Variants in NUP153 observed in about 807,000 individuals in gnomAD.
The protein encoded by NUP153 is nucleoporin 153, also known as nuclear pore complex protein Nup153.
A neutral mutation model predicts 134.6 loss-of-function variants in NUP153; 27 were observed. That is an observed-to-expected ratio of 0.20 (90% CI 0.15 to 0.28). NUP153 has a LOEUF of 0.28. NUP153 is among the 10% of genes least tolerant of loss of function. The probability of loss-of-function intolerance (pLI) is 1.00; values close to 1 mark genes in which losing one functional copy is unlikely to be tolerated. For missense variants in NUP153, 1,821 were observed against 1,731.3 expected (o/e 1.05, Z -0.92); for synonymous variants, 640 against 623.5 (o/e 1.03, Z -0.40).
intron 5 of NUP153, among the ~76,000 whole-genome samples, chr6:17,670,317 T>C (rs1265719671): frequency 2.6e-5 from 4 of 152,098 alleles, no homozygotes; most frequent in Non-Finnish European, 4.4e-5. Context: ...TCTTCAAATA[T>C]AGGCATTTCA....
At chr6:17,668,154 C>A (rs1359752101) in intron 8 of NUP153, among the ~76,000 whole-genome samples, 13 of 149,360 alleles carry the variant, frequency 8.7e-5, no homozygotes, top group Admixed American at 8.0e-4. Flanking sequence ...CGGCTCACTG[C>A]ACCCTCCGCC....
At chr6:17,657,522 C>G (rs1329297966) in intron 11 of NUP153, among the ~76,000 whole-genome samples, 2 of 152,034 alleles carry the variant, frequency 1.3e-5, no homozygotes, top group Non-Finnish European at 2.9e-5. Flanking sequence ...CAAGATCGTG[C>G]ACTCCAGCCT....
chr6:17,686,009 G>A (rs902775862), intron 2 of NUP153, among the ~76,000 whole-genome samples: 2 of 152,054 alleles, frequency 1.3e-5, no homozygotes, highest in Admixed American at 1.3e-4. Context: ...TTTGCTGGGC[G>A]TGGTAGCACA....
At chr6:17,616,282 T>TGGGGTG in intron 21 of NUP153, 101 bp from the exon 22 acceptor site, 1 of 332,090 alleles carries the variant, frequency 3.0e-6, no homozygotes, top group South Asian at 3.7e-5. Context: ...GGGGGTCGGG[T>TGGGGTG]GGGGGGGGAG....
chr6:17,618,559 TC>T (rs1764457466), intron 20 of NUP153, among the ~76,000 whole-genome samples: 1 of 59,890 alleles, frequency 1.7e-5, no homozygotes, highest in Admixed American at 2.9e-4. Flanking sequence ...AGTTAAAATC[TC>T]TCTTTTTTTT....
intron 20 of NUP153, 148 bp from the exon 21 acceptor site, chr6:17,616,843 G>C: frequency 1.5e-6 from 1 of 676,208 alleles, no homozygotes; most frequent in Non-Finnish European, 2.5e-6. Context: ...CTTGCCTCCT[G>C]GGTTCAAGTG....
At position 17,629,558 on chromosome 6, in the gene NUP153, C is replaced by T. The variant is rs529990088; in HGVS notation, c.2660-19G>A. 698 of 1,562,050 alleles carry T rather than the reference C, an allele frequency of 4.5e-4. 11 individuals are homozygous for T. In the South Asian group the frequency reaches 8.2e-3, roughly 18 times the overall value. ...TCAAAGCCTACAAAAATATAAAAGA[C>T]ACCACATAGACACTCAATGTACTGA... On this transcript the variant is annotated intron_variant, in intron 17 of 21. Coordinates refer to ENST00000262077, the MANE Select transcript of NUP153 (RefSeq NM_005124.4).
rs776821972 is a variant in NUP153 at position 17,637,264 on chromosome 6, C to G, written c.2353G>C (p.Gly785Arg). The G allele has an allele frequency of 1.2e-6, 2 of 1,614,182 alleles. No homozygotes were observed. Among genetic ancestry groups the G allele is most frequent in the Admixed American group, 3.3e-5 (2 of 60,018 alleles). ...GGCCTTTTGAATTTATCTCCAAATC[C>G]TAAGGTACCAGTGGTTACAGTGCAG... is the stretch of plus-strand genomic sequence containing the variant. ...SSCTVTTGTL[G>R]FGDKFKRPIG... Residue 785 changes from glycine to arginine, a missense_variant, in exon 16 of 22, where the codon GGA becomes CGA. By Grantham distance (125) the Gly-to-Arg change is moderately radical (BLOSUM62 -2). Coordinates refer to ENST00000262077, the MANE Select transcript of NUP153 (RefSeq NM_005124.4).
At chr6:17,665,423 T>C in intron 8 of NUP153, 38 bp from the exon 9 acceptor site, 1 of 1,528,116 alleles carries the variant, frequency 6.5e-7, no homozygotes, top group Non-Finnish European at 8.9e-7. Flanking sequence ...TTTATTTTCA[T>C]ATAAATCAAT....
chr6:17,688,627 A>AG lies in NUP153; in HGVS notation c.112-10dup. On this transcript the variant is annotated splice_polypyrimidine_tract_variant and intron_variant, in intron 1 of 21. Transcript: ENST00000262077. ...ACCCTGCTAAGAATGCCCTGTTGAG[A>AG]GAAAAAACATATTATGACAGTTTTA... The AG allele has an allele frequency of 6.3e-7, 1 of 1,588,516 alleles. No individual in the cohort carries two copies. Among genetic ancestry groups the AG allele is most frequent in the Non-Finnish European group, 8.6e-7 (1 of 1,159,678 alleles).
chr6:17,628,625 T>G lies in NUP153; in HGVS notation c.3544+30A>C. On this transcript the variant is annotated intron_variant, in intron 18 of 21. Transcript: ENST00000262077. This position sits in a 1 kb window ranked among gnomAD's most constrained non-coding sequence, Gnocchi z 5.4. ...CGACAACTTGTAAAAAAAAAAATAATAATAATAATAATAAAAAGTTAATAC... is the reference window on the plus strand; with the variant it reads ...CGACAACTTGTAAAAAAAAAAATAAGAATAATAATAATAAAAAGTTAATAC... The G allele has an allele frequency of 8.6e-7, 1 of 1,163,626 alleles. No individual in the cohort carries two copies. The highest frequency in any genetic ancestry group is 3.2e-5 in the East Asian group (1 of 31,408). 72.1% of individuals were successfully genotyped at this position (1,163,626 alleles called of 1,614,324 possible).
At chr6:17,656,105 T>G (rs1214752432) in intron 11 of NUP153, among the ~76,000 whole-genome samples, 1 of 150,648 alleles carries the variant, frequency 6.6e-6, no homozygotes, top group Non-Finnish European at 1.5e-5. Flanking sequence ...CTCAGGAGGC[T>G]GAGGCAGGAG....
Position 17,670,026 on chromosome 6 carries a change from G to A in NUP153, c.853-480C>T, listed in dbSNP as rs1767796025. ...AGGAGAACTGCTTTGAACCCAGGAGGCGGAGGTTGTGGTGAGCCGAGACTG... is the reference window on the plus strand; with the variant it reads ...AGGAGAACTGCTTTGAACCCAGGAGACGGAGGTTGTGGTGAGCCGAGACTG... On this transcript the variant is annotated intron_variant, in intron 5 of 21. Transcript: ENST00000262077. Among the ~76,000 whole-genome samples, 4 of 150,640 alleles carry A rather than the reference G, an allele frequency of 2.7e-5. No homozygotes were observed. In the South Asian group the frequency reaches 8.4e-4, roughly 32 times the overall value.
intron 12 of NUP153, 61 bp downstream of exon 12, chr6:17,649,098 GTTTT>G: frequency 7.3e-7 from 1 of 1,376,860 alleles, no homozygotes; most frequent in Non-Finnish European, 9.9e-7. Context: ...ATAATATAGG[GTTTT>G]TTTTAAATAA....
rs182089576 is a variant in NUP153 at position 17,615,756 on chromosome 6, G to A, written c.*341C>T. 9.8e-5 allele frequency: 19 copies of A among 194,366 alleles called. No individual in the cohort carries two copies. The highest frequency in any genetic ancestry group is 4.0e-4 in the African/African-American group (17 of 42,886). 12.0% of individuals were successfully genotyped at this position (194,366 alleles called of 1,614,324 possible). A position where few individuals can be genotyped will look rare whatever the true frequency, so the allele number is the denominator to read the frequency against. ...ACGCGTTCCATGAACGCTTATCAGC[G>A]CACATAATGGTGTAGACAAAGAGGT... On this transcript the variant is annotated 3_prime_UTR_variant, in exon 22 of 22. Transcript: ENST00000262077. This position sits in a 1 kb window ranked among gnomAD's most constrained non-coding sequence, Gnocchi z 5.7.
intron 2 of NUP153, among the ~76,000 whole-genome samples, chr6:17,677,781 G>C (rs1394981960): frequency 7.0e-6 from 1 of 142,154 alleles, no homozygotes; most frequent in African/African-American, 2.6e-5. Flanking sequence ...CCAGGCTAGA[G>C]TGCAGTGGCG....
chr6:17,637,275 G>C lies in NUP153; in HGVS notation c.2342C>G (p.Thr781Ser). 6.2e-7 allele frequency: 1 copy of C among 1,614,186 alleles called. No individual in the cohort carries two copies. Among genetic ancestry groups the C allele is most frequent in the Non-Finnish European group, 8.5e-7 (1 of 1,180,040 alleles). ...TASSSSCTVTTGTLGFGDKFK... is the reference protein window; with the variant it reads ...TASSSSCTVTSGTLGFGDKFK... Reference sequence around the variant, plus strand: ...TTTATCTCCAAATCCTAAGGTACCAGTGGTTACAGTGCAGCTGGAAGATGA... The same window carrying C: ...TTTATCTCCAAATCCTAAGGTACCACTGGTTACAGTGCAGCTGGAAGATGA... The change falls in exon 16 of 22, where the codon ACT (threonine) becomes AGT (serine). Residue 781 changes from threonine to serine, a missense_variant. Thr to Ser is a moderately conservative substitution (Grantham distance 58). Coordinates refer to ENST00000262077, the MANE Select transcript of NUP153 (RefSeq NM_005124.4).
In NUP153 at chr6:17,625,685, T is replaced by A. The variant is rs1297259936; in HGVS notation, c.3901+123A>T. ...GTGAATAATTAAAACAACCCTGGTA[T>A]AGATGACCAAAAGGCATTCCCACCA... On this transcript the variant is annotated intron_variant, in intron 19 of 21. Coordinates refer to ENST00000262077, the MANE Select transcript of NUP153 (RefSeq NM_005124.4). The surrounding 1 kb of genome is among the most constrained non-coding windows in gnomAD (Gnocchi z 4.7). 1 of 737,510 alleles carries A rather than the reference T, an allele frequency of 1.4e-6. No individual in the cohort carries two copies. Among genetic ancestry groups the A allele is most frequent in the East Asian group, 2.5e-5 (1 of 40,080 alleles). The allele number at this position is 737,510 out of a possible 1,614,324, so 45.7% of individuals were successfully genotyped here.
At chr6:17,696,408 T>A (rs1037915002) in intron 1 of NUP153, among the ~76,000 whole-genome samples, 2 of 152,088 alleles carry the variant, frequency 1.3e-5, no homozygotes, top group Non-Finnish European at 2.9e-5. Context: ...TTACAGGAAA[T>A]AAGCAGGCAT....
Sources: allele counts gnomAD v4.1 joint callset (sites outside exome capture counted in the v4.1 genomes callset), GRCh38; gene constraint gnomAD v4.1.1; non-coding constraint Gnocchi (gnomAD v3.1); transcripts MANE v1.5; gene names NCBI Gene and HGNC (gene_info 2026-07-23, HGNC 2026-07-21).